Variants in PCDHA12 observed in about 807,000 individuals in gnomAD.
The protein encoded by PCDHA12 is protocadherin alpha 12.
PCDHA12 carries 44 observed loss-of-function variants against 60.0 expected under a neutral mutation model. The observed-to-expected ratio is 0.73, with a 90% CI of 0.58 to 0.94. The LOEUF (loss-of-function observed/expected upper bound fraction) is 0.94, where lower values mean the gene tolerates loss of function less well. Among genes scored for constraint, PCDHA12 ranks in the 40% least tolerant of loss-of-function variants. PCDHA12 has a pLI of 0.00. For synonymous variants in PCDHA12, 569 were observed against 553.0 expected (o/e 1.03, Z -0.40); for missense variants, 1,276 against 1,239.7 (o/e 1.03, Z -0.44).
rs182605806 is a variant in PCDHA12 at position 140,924,980 on chromosome 5, T to C, written c.2367+47141T>C. On this transcript the variant is annotated intron_variant, in intron 1 of 3. Transcript: ENST00000398631. ...TGCAAGGTGAGTGCAGTGGCTCATG[T>C]CTGTAATCCTAGCACTTTAGGAGGC... is the stretch of plus-strand genomic sequence containing the variant. Among the ~76,000 whole-genome samples, 408 of 150,900 alleles carry C rather than the reference T, an allele frequency of 2.7e-3. 2 individuals are homozygous for C. The highest frequency in any genetic ancestry group is 0.014 in the Middle Eastern group (4 of 288).
intron 1 of PCDHA12, among the ~76,000 whole-genome samples, chr5:140,910,320 A>G (rs1362740704): frequency 1.3e-5 from 2 of 152,212 alleles, no homozygotes; most frequent in African/African-American, 4.8e-5. Flanking sequence ...CATGAGTCAG[A>G]CTATTGTGAT....
chr5:140,884,573 C>T, intron 1 of PCDHA12: 1 of 1,614,170 alleles, frequency 6.2e-7, no homozygotes, highest in Non-Finnish European at 8.5e-7. Flanking sequence ...TAAGACGGAC[C>T]TCATGGCCTT....
chr5:140,993,408 A>G (rs985721464), intron 3 of PCDHA12, among the ~76,000 whole-genome samples: 1 of 150,930 alleles, frequency 6.6e-6, no homozygotes, highest in African/African-American at 2.4e-5. Flanking sequence ...AACCACCTTC[A>G]TCAGCATTTC....
intron 1 of PCDHA12, among the ~76,000 whole-genome samples, chr5:140,916,305 G>T (rs2077519382): frequency 1.3e-5 from 2 of 152,156 alleles, no homozygotes; most frequent in South Asian, 2.1e-4. Context: ...TGGTACCAAA[G>T]GTGCAAGACA....
chr5:140,993,631 G>C (rs1466996708), intron 3 of PCDHA12, among the ~76,000 whole-genome samples: 1 of 152,046 alleles, frequency 6.6e-6, no homozygotes, highest in African/African-American at 2.4e-5. Context: ...ATATATAGTC[G>C]TGTACCAAAT....
chr5:140,930,197 C>G (rs1417032734), intron 1 of PCDHA12: 1 of 152,080 alleles, frequency 6.6e-6, no homozygotes, highest in African/African-American at 2.4e-5. Flanking sequence ...ATTTTTATGT[C>G]AGAAATATTT....
In PCDHA12 at chr5:141,010,151, C is replaced by T. The variant is rs1554262715; in HGVS notation, c.*214C>T. 1 of 1,578,076 alleles carries T rather than the reference C, an allele frequency of 6.3e-7. No homozygotes were observed. Among genetic ancestry groups the T allele is most frequent in the South Asian group, 1.1e-5 (1 of 87,432 alleles). On this transcript the variant is annotated 3_prime_UTR_variant, in exon 4 of 4. Transcript: ENST00000398631. The stretch of plus-strand genomic sequence containing the variant: ...CTGGTGTTAACTCTTTCTCTCCACT[C>T]TGGCTTGTTTTCAGAACCTAAAAAG...
At chr5:140,929,349 A>G in intron 1 of PCDHA12, 1 of 1,530,382 alleles carries the variant, frequency 6.5e-7, no homozygotes, top group Non-Finnish European at 8.8e-7. Context: ...ATGGAATTTG[A>G]TTCCTTTGGC....
At chr5:140,892,803 A>T (rs1554185373) in intron 1 of PCDHA12, among the ~76,000 whole-genome samples, 1 of 152,174 alleles carries the variant, frequency 6.6e-6, no homozygotes. Context: ...ATTATAGTTA[A>T]CCATATTTAT....
chr5:140,955,726 C>T (rs934215613), intron 1 of PCDHA12, among the ~76,000 whole-genome samples: 1 of 152,264 alleles, frequency 6.6e-6, no homozygotes, highest in East Asian at 1.9e-4. Context: ...ACCATTGAAT[C>T]TATAAATTAC....
At chr5:140,968,624 C>CT in intron 1 of PCDHA12, 3 of 1,614,176 alleles carry the variant, frequency 1.9e-6, no homozygotes, top group East Asian at 2.2e-5. Context: ...AAATGCTTGG[C>CT]TTTTTTACCA....
At chr5:140,883,913 G>T (rs782585121) in intron 1 of PCDHA12, 1 of 1,613,478 alleles carries the variant, frequency 6.2e-7, no homozygotes, top group South Asian at 1.1e-5. Context: ...GGGCAGCAAC[G>T]TGACGCTGCA....
intron 1 of PCDHA12, among the ~76,000 whole-genome samples, chr5:140,941,214 C>CCTTCCTTTCTTT (rs1554214040): frequency 1.6e-5 from 2 of 122,412 alleles, no homozygotes; most frequent in Non-Finnish European, 3.4e-5. Flanking sequence ...TTTCTTTCTT[C>CCTTCCTTTCTTT]CTTTCTTTCT....
intron 1 of PCDHA12, among the ~76,000 whole-genome samples, chr5:140,977,977 C>T (rs193229659): frequency 2.0e-5 from 3 of 152,222 alleles, no homozygotes; most frequent in South Asian, 2.1e-4. Context: ...CCCATGAAAA[C>T]GCATCTAGAG....
intron 1 of PCDHA12, among the ~76,000 whole-genome samples, chr5:140,939,868 T>C (rs868982739): frequency 2.6e-5 from 4 of 152,340 alleles, no homozygotes; most frequent in Middle Eastern, 6.8e-3. Flanking sequence ...CATTAGGTCA[T>C]CTTTGCTAGT....
chr5:140,967,173 T>C, intron 1 of PCDHA12: 1 of 1,611,178 alleles, frequency 6.2e-7, no homozygotes, highest in Non-Finnish European at 8.5e-7. Context: ...GCCGTTGAGG[T>C]GGAAATATTG....
At chr5:140,918,074 G>T (rs546551059) in intron 1 of PCDHA12, among the ~76,000 whole-genome samples, 1 of 152,096 alleles carries the variant, frequency 6.6e-6, no homozygotes, top group South Asian at 2.1e-4. Context: ...TCTTTCAGTA[G>T]TGTTTTATAA....
chr5:140,883,658 G>C (rs573544891), intron 1 of PCDHA12: 2 of 1,613,994 alleles, frequency 1.2e-6, no homozygotes, highest in African/African-American at 2.7e-5. Context: ...CACGGTGTTC[G>C]TGAAGGAAAA....
chr5:140,967,387 T>A (rs1158599127), intron 1 of PCDHA12: 4 of 1,609,114 alleles, frequency 2.5e-6, no homozygotes, highest in Non-Finnish European at 3.4e-6. Flanking sequence ...GTAAAGTGCT[T>A]GAGCTGGTGC....
Sources: allele counts gnomAD v4.1 joint callset (sites outside exome capture counted in the v4.1 genomes callset), GRCh38; gene constraint gnomAD v4.1.1; transcripts MANE v1.5; gene names NCBI Gene and HGNC (gene_info 2026-07-23, HGNC 2026-07-21).